The following CNTNAP2 variants were observed in gnomAD, a reference collection of about 807,000 sequenced individuals.
The protein encoded by CNTNAP2 is contactin associated protein 2.
In CNTNAP2, 98 loss-of-function variants were observed where a neutral mutation model predicts 155.2. The ratio of observed to expected loss-of-function variants is 0.63; its 90% CI spans 0.54 to 0.75. The LOEUF is 0.75. Among genes scored for constraint, CNTNAP2 ranks in the 30% least tolerant of loss-of-function variants. The probability of loss-of-function intolerance (pLI) is 0.00; values close to 1 mark genes in which losing one functional copy is unlikely to be tolerated. For missense variants in CNTNAP2, 1,727 were observed against 1,688.1 expected (o/e 1.02, Z -0.40); for synonymous variants, 651 against 631.2 (o/e 1.03, Z -0.47).
chr7:147,643,836 TC>T (rs1795324766), intron 13 of CNTNAP2, among the ~76,000 whole-genome samples: 2 of 152,206 alleles, frequency 1.3e-5, no homozygotes, highest in South Asian at 4.1e-4. Flanking sequence ...CATATGGACC[TC>T]ATTTTTATTT....
At chr7:147,435,927 T>G in intron 10 of CNTNAP2, among the ~76,000 whole-genome samples, 1 of 152,374 alleles carries the variant, frequency 6.6e-6, no homozygotes, top group Non-Finnish European at 1.5e-5. Context: ...TTTTTACTCC[T>G]TATTTCTTAT....
At chr7:148,231,449 A>T (rs918260144) in intron 20 of CNTNAP2, among the ~76,000 whole-genome samples, 1 of 152,212 alleles carries the variant, frequency 6.6e-6, no homozygotes, top group Non-Finnish European at 1.5e-5. Flanking sequence ...ATAGAATTTG[A>T]AAAAGATAAA....
intron 12 of CNTNAP2, among the ~76,000 whole-genome samples, chr7:147,568,666 A>G (rs114813309): frequency 0.022 from 3,313 of 152,228 alleles, 123 homozygotes; most frequent in African/African-American, 0.076. Flanking sequence ...AAACTATCTT[A>G]TATTTTCAGT....
intron 1 of CNTNAP2, among the ~76,000 whole-genome samples, chr7:146,472,915 G>A (rs1796821044): frequency 6.7e-6 from 1 of 149,434 alleles, no homozygotes; most frequent in African/African-American, 2.5e-5. Context: ...CATTTTAAAT[G>A]TAATGGCATT....
At chr7:147,029,692 A>C (rs778011219) in intron 3 of CNTNAP2, among the ~76,000 whole-genome samples, 4 of 152,216 alleles carry the variant, frequency 2.6e-5, no homozygotes, top group Non-Finnish European at 5.9e-5. Context: ...ATAGATAATA[A>C]AAATGGAAGC....
intron 11 of CNTNAP2, among the ~76,000 whole-genome samples, chr7:147,540,304 A>G (rs1799616095): frequency 6.6e-6 from 1 of 151,930 alleles, no homozygotes; most frequent in Admixed American, 6.6e-5. Flanking sequence ...TTCTACTTTC[A>G]CAGCACTTCC....
intron 15 of CNTNAP2, among the ~76,000 whole-genome samples, chr7:148,022,330 G>T (rs986963250): frequency 1.7e-4 from 26 of 151,970 alleles, no homozygotes; most frequent in African/African-American, 3.9e-4. Context: ...TTAGCCGAGC[G>T]TGGCGGCAGG....
intron 15 of CNTNAP2, among the ~76,000 whole-genome samples, chr7:148,040,905 G>A (rs1802662803): frequency 6.6e-6 from 1 of 152,136 alleles, no homozygotes; most frequent in African/African-American, 2.4e-5. Flanking sequence ...ACTTTGGGAT[G>A]CTGAGGCAGG....
chr7:146,565,524 C>T (rs1798344641), intron 1 of CNTNAP2, among the ~76,000 whole-genome samples: 1 of 152,048 alleles, frequency 6.6e-6, no homozygotes. Context: ...GTAAGGAACT[C>T]ACATTGCTAC....
chr7:147,596,570 C>T (rs1280285707), intron 12 of CNTNAP2, among the ~76,000 whole-genome samples: 1 of 152,170 alleles, frequency 6.6e-6, no homozygotes, highest in Non-Finnish European at 1.5e-5. Context: ...AGAATGGCTT[C>T]TTGCTAACCT....
At chr7:147,476,884 T>A (rs1798331368) in intron 10 of CNTNAP2, among the ~76,000 whole-genome samples, 1 of 147,900 alleles carries the variant, frequency 6.8e-6, no homozygotes, top group South Asian at 2.1e-4. Flanking sequence ...GCTGAGATCA[T>A]CCCACTGCTC....
At chr7:147,365,230 C>T (rs1218033956) in intron 9 of CNTNAP2, among the ~76,000 whole-genome samples, 2 of 151,602 alleles carry the variant, frequency 1.3e-5, no homozygotes, top group African/African-American at 4.8e-5. Flanking sequence ...ATGGTGAAAC[C>T]CCGTCTCTAC....
At chr7:148,126,466 G>A (rs1462620249) in intron 16 of CNTNAP2, among the ~76,000 whole-genome samples, 1 of 152,200 alleles carries the variant, frequency 6.6e-6, no homozygotes, top group Non-Finnish European at 1.5e-5. Flanking sequence ...ATAATATGTG[G>A]AAAGGTGGAA....
chr7:146,407,579 A>T (rs766842570), intron 1 of CNTNAP2, among the ~76,000 whole-genome samples: 50 of 152,228 alleles, frequency 3.3e-4, no homozygotes, highest in Non-Finnish European at 6.6e-4. Context: ...GAAAACCAAC[A>T]TAGACAACCT....
At chr7:147,879,160 G>A (rs1014664852) in intron 13 of CNTNAP2, among the ~76,000 whole-genome samples, 12 of 152,176 alleles carry the variant, frequency 7.9e-5, no homozygotes, top group African/African-American at 2.9e-4. Context: ...TTGCAAAGTA[G>A]CAAATTGATA....
chr7:148,255,918 G>C (rs1796446554), intron 20 of CNTNAP2, among the ~76,000 whole-genome samples: 1 of 152,086 alleles, frequency 6.6e-6, no homozygotes, highest in South Asian at 2.1e-4. Flanking sequence ...TCCAGTCCAG[G>C]AATCTGAGAC....
At chr7:146,376,648 CAT>C (rs1334806793) in intron 1 of CNTNAP2, among the ~76,000 whole-genome samples, 1 of 152,040 alleles carries the variant, frequency 6.6e-6, no homozygotes, top group Non-Finnish European at 1.5e-5. Context: ...GTATATTTCT[CAT>C]GCCCCATGAC....
At chr7:146,818,700 T>C (rs1585105383) in intron 2 of CNTNAP2, among the ~76,000 whole-genome samples, 1 of 152,166 alleles carries the variant, frequency 6.6e-6, no homozygotes, top group Non-Finnish European at 1.5e-5. Flanking sequence ...AAGTGTATTA[T>C]GACATGTGAC....
intron 3 of CNTNAP2, among the ~76,000 whole-genome samples, chr7:146,878,164 T>C (rs1795466144): frequency 6.6e-6 from 1 of 152,172 alleles, no homozygotes; most frequent in African/African-American, 2.4e-5. Context: ...AGATATCTTC[T>C]ATTTATTCTT....
Sources: gnomAD v4.1 joint callset for allele counts (sites outside exome capture counted in the v4.1 genomes callset) on GRCh38, gnomAD v4.1.1 for gene constraint, MANE v1.5 for transcripts, NCBI Gene and HGNC (gene_info 2026-07-23, HGNC 2026-07-21) for gene names.